Variants in ANKS1B observed in about 807,000 individuals in gnomAD.
ANKS1B encodes ankyrin repeat and sterile alpha motif domain-containing protein 1B.
ANKS1B carries 36 observed loss-of-function variants against 148.3 expected under a neutral mutation model. That is an observed-to-expected ratio of 0.24 (90% CI 0.19 to 0.32). The LOEUF (loss-of-function observed/expected upper bound fraction) is 0.32. Ranked by LOEUF, ANKS1B falls within the 10% of genes least tolerant of loss-of-function variation. The pLI is 1.00. For missense variants in ANKS1B, 1,157 were observed against 1,542.6 expected, an observed-to-expected ratio of 0.75 and a Z score of 4.19; for synonymous variants, 542 against 560.8, an observed-to-expected ratio of 0.97 and a Z score of 0.47.
At chr12:99,535,001 G>A (rs1222220825) in intron 9 of ANKS1B, among the ~76,000 whole-genome samples, 4 of 151,916 alleles carry the variant, frequency 2.6e-5, no homozygotes, top group East Asian at 3.9e-4. Context: ...GAGCCACCGC[G>A]CCCGGCCCTT....
chr12:99,620,384 A>T (rs1274539391), intron 9 of ANKS1B, among the ~76,000 whole-genome samples: 2 of 152,212 alleles, frequency 1.3e-5, no homozygotes, highest in Non-Finnish European at 2.9e-5. Context: ...TCCCTAGCCA[A>T]AATGGAAACT....
intron 12 of ANKS1B, among the ~76,000 whole-genome samples, chr12:99,298,701 G>A (rs2081222326): frequency 6.6e-6 from 1 of 152,164 alleles, no homozygotes; most frequent in Non-Finnish European, 1.5e-5. Context: ...GATTACATCA[G>A]TAAGTGAAGA....
intron 15 of ANKS1B, among the ~76,000 whole-genome samples, chr12:99,152,337 TTTGA>T (rs1222017347): frequency 6.6e-6 from 1 of 152,138 alleles, no homozygotes; most frequent in Non-Finnish European, 1.5e-5. Context: ...GAAGAAAGTA[TTTGA>T]TTGGCCCATC....
At chr12:99,254,548 A>G (rs1045173205) in intron 12 of ANKS1B, among the ~76,000 whole-genome samples, 2 of 152,196 alleles carry the variant, frequency 1.3e-5, no homozygotes, top group African/African-American at 4.8e-5. Flanking sequence ...TGGAGTGAGG[A>G]TGTAAATGGC....
intron 10 of ANKS1B, among the ~76,000 whole-genome samples, chr12:99,465,819 C>T (rs1409638739): frequency 6.6e-6 from 1 of 152,116 alleles, no homozygotes; most frequent in Non-Finnish European, 1.5e-5. Context: ...TACAAAGAGA[C>T]TTAGACTCCC....
At chr12:99,594,872 G>A (rs1293663855) in intron 9 of ANKS1B, among the ~76,000 whole-genome samples, 1 of 149,286 alleles carries the variant, frequency 6.7e-6, no homozygotes, top group Non-Finnish European at 1.5e-5. Context: ...GATGTTAAGT[G>A]TTCTTACTAT....
At position 99,782,003 on chromosome 12, in the gene ANKS1B, G is replaced by A. The variant is rs768840639; in HGVS notation, c.745+19C>T. ...TGTTATCTGTCAGGATAAGCTCCAT[G>A]CAGAATCACAATAGTTACCTGTTTC... On this transcript the variant is annotated intron_variant, in intron 5 of 26. Transcript: ENST00000683438. 4 of 1,577,396 alleles carry A rather than the reference G, an allele frequency of 2.5e-6. No individual in the cohort carries two copies. The Admixed American group carries it at 5.4e-5, about 21-fold the overall frequency.
chr12:99,908,619 T>C (rs561184596), intron 1 of ANKS1B, among the ~76,000 whole-genome samples: 2 of 152,108 alleles, frequency 1.3e-5, no homozygotes, highest in Non-Finnish European at 2.9e-5. Context: ...TGTGATTCAA[T>C]ACATTTTTTC....
At chr12:99,714,779 G>C (rs1485283370) in intron 8 of ANKS1B, among the ~76,000 whole-genome samples, 1 of 151,800 alleles carries the variant, frequency 6.6e-6, no homozygotes, top group Non-Finnish European at 1.5e-5. Flanking sequence ...CCCTATAATG[G>C]CTTCTACTGT....
intron 17 of ANKS1B, among the ~76,000 whole-genome samples, chr12:99,019,816 T>A (rs2099944708): frequency 6.6e-6 from 1 of 152,214 alleles, no homozygotes; most frequent in South Asian, 2.1e-4. Context: ...AAATGACCAC[T>A]GCTCAGTTGT....
At chr12:98,992,610 GA>G (rs1242427048) in intron 17 of ANKS1B, among the ~76,000 whole-genome samples, 1 of 152,164 alleles carries the variant, frequency 6.6e-6, no homozygotes, top group Non-Finnish European at 1.5e-5. Context: ...CAGCCATGCA[GA>G]ACTGTGAGTC....
intron 8 of ANKS1B, among the ~76,000 whole-genome samples, chr12:99,732,038 G>T (rs1331396827): frequency 1.3e-5 from 2 of 152,110 alleles, no homozygotes; most frequent in African/African-American, 2.4e-5. Flanking sequence ...TATGAAAAAT[G>T]GCAGGTAAAT....
At chr12:99,592,240 C>A (rs763061515) in intron 9 of ANKS1B, among the ~76,000 whole-genome samples, 7 of 151,920 alleles carry the variant, frequency 4.6e-5, no homozygotes, top group East Asian at 1.9e-4. Context: ...CTAAAGCACA[C>A]GAAATGCTCT....
At chr12:99,284,447 C>T (rs1484307896) in intron 12 of ANKS1B, among the ~76,000 whole-genome samples, 1 of 152,184 alleles carries the variant, frequency 6.6e-6, no homozygotes, top group Admixed American at 6.5e-5. Context: ...CAGTGCTTTA[C>T]AAATAATATT....
intron 9 of ANKS1B, among the ~76,000 whole-genome samples, chr12:99,555,166 A>G (rs993799071): frequency 2.0e-5 from 3 of 152,140 alleles, no homozygotes; most frequent in Non-Finnish European, 4.4e-5. Context: ...TCCTTTGGAT[A>G]TATACCCAAT....
chr12:98,987,856 G>A (rs1328725376), intron 17 of ANKS1B, among the ~76,000 whole-genome samples: 1 of 152,154 alleles, frequency 6.6e-6, no homozygotes, highest in Non-Finnish European at 1.5e-5. Context: ...AAAATGGAGT[G>A]ATGGACAGCA....
intron 15 of ANKS1B, among the ~76,000 whole-genome samples, chr12:99,153,046 A>G (rs2075348167): frequency 6.6e-6 from 1 of 152,164 alleles, no homozygotes; most frequent in South Asian, 2.1e-4. Flanking sequence ...AAAAACCAAC[A>G]AATCACTCAT....
At chr12:99,729,580 G>C (rs1343847171) in intron 8 of ANKS1B, among the ~76,000 whole-genome samples, 5 of 151,766 alleles carry the variant, frequency 3.3e-5, no homozygotes, top group African/African-American at 1.2e-4. Context: ...GTTTCCTTTA[G>C]TTCTTTGAAC....
chr12:99,828,642 AAAAGAT>A, intron 1 of ANKS1B, among the ~76,000 whole-genome samples: 1 of 152,310 alleles, frequency 6.6e-6, no homozygotes, highest in East Asian at 1.9e-4. Flanking sequence ...TCAATATTAG[AAAAGAT>A]AATGAATGTA....
Sources: gnomAD v4.1 joint callset for allele counts (sites outside exome capture counted in the v4.1 genomes callset) on GRCh38, gnomAD v4.1.1 for gene constraint, MANE v1.5 for transcripts, NCBI Gene and HGNC (gene_info 2026-07-23, HGNC 2026-07-21) for gene names.